NPAS3: variants seen among roughly 807,000 people sequenced by gnomAD.
NPAS3 encodes neuronal PAS domain protein 3.
In NPAS3, 14 loss-of-function variants were observed where a neutral mutation model predicts 73.1. The ratio of observed to expected loss-of-function variants is 0.19; its 90% CI spans 0.13 to 0.30. The LOEUF is 0.30. NPAS3 is among the 10% of genes least tolerant of loss of function. The pLI is 1.00. For synonymous variants in NPAS3, 620 were observed against 541.5 expected, an observed-to-expected ratio of 1.14 and a Z score of -2.01; for missense variants, 1,096 against 1,250.0, an observed-to-expected ratio of 0.88 and a Z score of 1.86.
At chr14:33,222,003 T>A (rs1042069586) in intron 3 of NPAS3, among the ~76,000 whole-genome samples, 3 of 152,156 alleles carry the variant, frequency 2.0e-5, no homozygotes, top group African/African-American at 7.2e-5. Flanking sequence ...GAGAAGTGCA[T>A]ATTCTTAAGC....
chr14:33,558,363 T>A (rs2055463911), intron 4 of NPAS3, among the ~76,000 whole-genome samples: 1 of 151,986 alleles, frequency 6.6e-6, no homozygotes. Flanking sequence ...CGGGCTCAAG[T>A]GATTCTTGTG....
chr14:33,673,834 G>A (rs2059678564), intron 5 of NPAS3, among the ~76,000 whole-genome samples: 1 of 152,180 alleles, frequency 6.6e-6, no homozygotes, highest in African/African-American at 2.4e-5. Context: ...AATTGTCCAA[G>A]GTCACACAAC....
At chr14:33,503,822 C>T (rs1315510772) in intron 4 of NPAS3, among the ~76,000 whole-genome samples, 1 of 151,972 alleles carries the variant, frequency 6.6e-6, no homozygotes, top group Non-Finnish European at 1.5e-5. Context: ...TTTTACTCTA[C>T]ATTTCATTTT....
chr14:33,734,681 T>A (rs1472193629), intron 6 of NPAS3, among the ~76,000 whole-genome samples: 1 of 152,132 alleles, frequency 6.6e-6, no homozygotes, highest in Non-Finnish European at 1.5e-5. Flanking sequence ...TTACTCCCCA[T>A]GATGAAGAAA....
chr14:33,566,348 G>A (rs761013692), intron 5 of NPAS3, among the ~76,000 whole-genome samples: 9 of 151,976 alleles, frequency 5.9e-5, no homozygotes, highest in South Asian at 2.1e-4. Context: ...CTTTGTCTAC[G>A]TTCTGACTTT....
intron 3 of NPAS3, among the ~76,000 whole-genome samples, chr14:33,231,113 G>A (rs528074396): frequency 1.2e-4 from 19 of 152,236 alleles, no homozygotes; most frequent in East Asian, 9.6e-4. Context: ...CTGTTTGCTC[G>A]TGCAAGCTTG....
Position 33,749,707 on chromosome 14 carries a change from C to T in NPAS3, c.852+14375C>T, listed in dbSNP as rs2061903832. ...TGATCTCTAGGACAAAAAGGTGGCA[C>T]TGCGTAGCACCTCCAGGTTCTCATG... On this transcript the variant is annotated intron_variant, in intron 7 of 11. Coordinates refer to ENST00000356141, the Ensembl canonical transcript of NPAS3. Among the ~76,000 whole-genome samples the T allele has an allele frequency of 3.9e-5, 6 of 152,252 alleles. No homozygotes were observed. In the South Asian group the frequency reaches 1.0e-3, roughly 26 times the overall value.
At chr14:33,622,064 A>G (rs888234085) in intron 5 of NPAS3, among the ~76,000 whole-genome samples, 2 of 152,208 alleles carry the variant, frequency 1.3e-5, no homozygotes, top group Non-Finnish European at 2.9e-5. Flanking sequence ...CTGAGCAGAA[A>G]TGATGTGAAG....
At chr14:33,020,635 C>T (rs538447035) in intron 1 of NPAS3, among the ~76,000 whole-genome samples, 1 of 152,288 alleles carries the variant, frequency 6.6e-6, no homozygotes, top group Admixed American at 6.5e-5. Context: ...GCTTGGACAG[C>T]AAGGATCTCA....
At chr14:33,535,602 A>G (rs66500206) in intron 4 of NPAS3, among the ~76,000 whole-genome samples, 26,417 of 152,174 alleles carry the variant, frequency 0.17, 2,986 homozygotes, top group African/African-American at 0.32. Context: ...TACCTAATGA[A>G]TTAATCAATT....
At chr14:33,433,094 A>G (rs770000802) in intron 4 of NPAS3, among the ~76,000 whole-genome samples, 15 of 152,322 alleles carry the variant, frequency 9.8e-5, no homozygotes, top group South Asian at 2.1e-4. Flanking sequence ...ATGTATGGTT[A>G]GTATTAACTA....
chr14:33,680,554 TTTTTCA>T (rs2059905794), intron 6 of NPAS3: 1 of 701,180 alleles, frequency 1.4e-6, no homozygotes, highest in Non-Finnish European at 2.6e-6. Context: ...GGTAACTAGC[TTTTTCA>T]TTTTCATGTT....
chr14:33,204,599 C>G (rs968640234), intron 2 of NPAS3, among the ~76,000 whole-genome samples: 1 of 151,974 alleles, frequency 6.6e-6, no homozygotes, highest in African/African-American at 2.4e-5. Flanking sequence ...ATGTGACACA[C>G]GGAAAAAGTC....
At chr14:33,691,048 A>G (rs966175699) in intron 6 of NPAS3, among the ~76,000 whole-genome samples, 4 of 152,264 alleles carry the variant, frequency 2.6e-5, no homozygotes, top group African/African-American at 9.6e-5. Flanking sequence ...TTGCAAAAAC[A>G]TAACTTCATC....
intron 1 of NPAS3, among the ~76,000 whole-genome samples, chr14:33,014,955 G>C (rs2139669718): frequency 6.6e-6 from 1 of 152,320 alleles, no homozygotes; most frequent in Middle Eastern, 3.4e-3. Flanking sequence ...CAGGTGCTGA[G>C]TTGTAGAGGA....
intron 2 of NPAS3, among the ~76,000 whole-genome samples, chr14:33,102,239 G>A (rs1339223695): frequency 6.6e-6 from 1 of 152,054 alleles, no homozygotes; most frequent in African/African-American, 2.4e-5. Flanking sequence ...AATTAGCTAG[G>A]GATAGAACAG....
At chr14:33,603,924 G>T (rs1350988810) in intron 5 of NPAS3, among the ~76,000 whole-genome samples, 1 of 152,044 alleles carries the variant, frequency 6.6e-6, no homozygotes, top group Non-Finnish European at 1.5e-5. Flanking sequence ...GTATGCTCTT[G>T]TAGGGCTCTT....
chr14:33,215,605 T>C lies in NPAS3; in HGVS notation c.385+179T>C, dbSNP rs1294185502. ...ATGTGAAGGTGAAATAAACCTCTTA[T>C]TTTTCTATTTTATTTTCAAAAAGTC... On this transcript the variant is annotated intron_variant, in intron 3 of 11. Coordinates refer to ENST00000356141, the Ensembl canonical transcript of NPAS3. The C allele has an allele frequency of 3.9e-6, 3 of 760,346 alleles. No homozygotes were observed. In the East Asian group the frequency reaches 7.9e-5, roughly 20 times the overall value. 47.1% of individuals were successfully genotyped at this position (760,346 alleles called of 1,614,324 possible). A position where few individuals can be genotyped will look rare whatever the true frequency, so the allele number is the denominator to read the frequency against.
intron 2 of NPAS3, among the ~76,000 whole-genome samples, chr14:33,178,354 T>C (rs2045674182): frequency 6.6e-6 from 1 of 152,162 alleles, no homozygotes; most frequent in African/African-American, 2.4e-5. Flanking sequence ...ATCACAGGCA[T>C]GAGCCACCGC....
Sources: allele counts gnomAD v4.1 joint callset (sites outside exome capture counted in the v4.1 genomes callset), GRCh38; gene constraint gnomAD v4.1.1; transcripts MANE v1.5; gene names NCBI Gene and HGNC (gene_info 2026-07-23, HGNC 2026-07-21).